GNG2: variants seen among roughly 807,000 people sequenced by gnomAD.
GNG2 encodes G protein subunit gamma 2, also known as guanine nucleotide-binding protein G(I)/G(S)/G(O) subunit gamma-2.
Under a neutral mutation model 5.5 loss-of-function variants are expected in GNG2, and 5 were observed. The observed-to-expected ratio is 0.91, with a 90% confidence interval of 0.48 to 1.92. The LOEUF (loss-of-function observed/expected upper bound fraction) is 1.92, where lower values mean the gene tolerates loss of function less well. GNG2 is among the 30% of genes most tolerant of loss of function. The probability of loss-of-function intolerance (pLI) is 0.01; values close to 1 mark genes in which losing one functional copy is unlikely to be tolerated. For missense variants in GNG2, 55 were observed against 88.4 expected (o/e 0.62, Z 1.52); for synonymous variants, 28 against 32.0 (o/e 0.88, Z 0.42).
intron 1 of GNG2, among the ~76,000 whole-genome samples, chr14:51,868,456 G>A (rs1883074472): frequency 6.6e-6 from 1 of 152,166 alleles, no homozygotes; most frequent in Non-Finnish European, 1.5e-5. Context: ...TTGATGGATT[G>A]AAGTAGAAAC....
intron 2 of GNG2, chr14:51,827,856 T>C (rs1273729883): frequency 1.6e-6 from 1 of 636,198 alleles, no homozygotes; most frequent in African/African-American, 1.8e-5. Context: ...GAGGAAAACG[T>C]TGAAGTGTTT....
chr14:51,834,645 C>A (rs1258902860), intron 2 of GNG2, among the ~76,000 whole-genome samples: 4 of 152,178 alleles, frequency 2.6e-5, no homozygotes, highest in Non-Finnish European at 5.9e-5. Flanking sequence ...ATTGAGATTG[C>A]TAAAGCCATT....
upstream of GNG2, among the ~76,000 whole-genome samples, chr14:51,856,221 G>A (rs940817812): frequency 6.6e-6 from 1 of 151,946 alleles, no homozygotes; most frequent in Non-Finnish European, 1.5e-5. Flanking sequence ...GGGCATGGCG[G>A]GGGAGGAGAG....
At chr14:51,882,987 GT>G (rs1432991319) in intron 2 of GNG2, among the ~76,000 whole-genome samples, 2 of 147,322 alleles carry the variant, frequency 1.4e-5, no homozygotes, top group African/African-American at 2.5e-5. Flanking sequence ...TCCAGCCTGG[GT>G]GACAGAGCGA....
At chr14:51,954,817 A>G (rs967655534) in intron 3 of GNG2, among the ~76,000 whole-genome samples, 2 of 152,196 alleles carry the variant, frequency 1.3e-5, no homozygotes, top group African/African-American at 2.4e-5. Flanking sequence ...TTCCAGCTCC[A>G]TGAAAAAAGA....
chr14:51,926,874 A>G (rs1048388191), intron 2 of GNG2, among the ~76,000 whole-genome samples: 13 of 152,216 alleles, frequency 8.5e-5, no homozygotes, highest in African/African-American at 2.9e-4. Flanking sequence ...TAGCTGAACT[A>G]AGGAGAAAGC....
chr14:51,953,100 C>A (rs1010930224), intron 3 of GNG2, among the ~76,000 whole-genome samples: 1 of 152,160 alleles, frequency 6.6e-6, no homozygotes, highest in Non-Finnish European at 1.5e-5. Context: ...GCTTTACTTA[C>A]CTTACTTTAC....
chr14:51,863,085 A>G (rs1268465804), intron 1 of GNG2, among the ~76,000 whole-genome samples: 2 of 151,758 alleles, frequency 1.3e-5, no homozygotes, highest in Non-Finnish European at 2.9e-5. Flanking sequence ...CATGTAGTGA[A>G]TGTGTTTGTT....
chr14:51,899,875 G>A (rs1375930424), intron 2 of GNG2, among the ~76,000 whole-genome samples: 1 of 152,174 alleles, frequency 6.6e-6, no homozygotes, highest in African/African-American at 2.4e-5. Flanking sequence ...TATTCCATTG[G>A]AAGTATTTGT....
chr14:51,841,270 G>C (rs1203237138), intron 2 of GNG2, among the ~76,000 whole-genome samples: 2 of 152,158 alleles, frequency 1.3e-5, no homozygotes, highest in Admixed American at 1.3e-4. Flanking sequence ...AGCTGCAACA[G>C]GCCCCTCTCC....
chr14:51,833,957 T>G (rs867169742), intron 2 of GNG2, among the ~76,000 whole-genome samples: 69 of 134,698 alleles, frequency 5.1e-4, no homozygotes, highest in African/African-American at 1.8e-3. Context: ...TGTCTTGAGA[T>G]CCATTCAACA....
chr14:51,838,262 G>A (rs758807784), intron 2 of GNG2, among the ~76,000 whole-genome samples: 39 of 152,250 alleles, frequency 2.6e-4, no homozygotes, highest in Non-Finnish European at 5.4e-4. Flanking sequence ...TGGCCAGCAT[G>A]GTGAAACCCC....
chr14:51,858,909 A>G (rs1440838973), upstream of GNG2, among the ~76,000 whole-genome samples: 1 of 152,144 alleles, frequency 6.6e-6, no homozygotes, highest in East Asian at 1.9e-4. Flanking sequence ...TTGATGAAAG[A>G]TTTCCTTGAA....
At chr14:51,929,961 G>C (rs1887559741) in intron 2 of GNG2, among the ~76,000 whole-genome samples, 1 of 152,132 alleles carries the variant, frequency 6.6e-6, no homozygotes, top group Admixed American at 6.6e-5. Flanking sequence ...TTAATTTTAA[G>C]TTCACCGGTA....
At chr14:51,927,034 A>G (rs771811110) in intron 2 of GNG2, among the ~76,000 whole-genome samples, 1 of 152,220 alleles carries the variant, frequency 6.6e-6, no homozygotes, top group Non-Finnish European at 1.5e-5. Context: ...GTCATTTTGA[A>G]TTACAGTCAT....
intron 2 of GNG2, among the ~76,000 whole-genome samples, chr14:51,945,675 T>C (rs1055435301): frequency 2.6e-5 from 4 of 152,172 alleles, no homozygotes; most frequent in Non-Finnish European, 5.9e-5. Context: ...ATGGTTAAGA[T>C]AGTAATTTTA....
chr14:51,889,934 G>C (rs1324822920), intron 2 of GNG2, among the ~76,000 whole-genome samples: 1 of 152,114 alleles, frequency 6.6e-6, no homozygotes, highest in African/African-American at 2.4e-5. Context: ...CTAGATACAG[G>C]ATATCCTGTC....
intron 2 of GNG2, among the ~76,000 whole-genome samples, chr14:51,905,617 A>T (rs978656469): frequency 1.1e-4 from 16 of 152,208 alleles, no homozygotes; most frequent in African/African-American, 3.9e-4. Context: ...TTTGCCATAG[A>T]AGTCAACCAT....
intron 2 of GNG2, 76 bp from the exon 3 acceptor site, chr14:51,950,574 C>T (rs1020225549): frequency 3.4e-6 from 3 of 880,552 alleles, no homozygotes; most frequent in Admixed American, 4.6e-5. Context: ...TTTGAGATCC[C>T]CTAGTTACGA....
Sources: allele counts gnomAD v4.1 joint callset (sites outside exome capture counted in the v4.1 genomes callset), GRCh38; gene constraint gnomAD v4.1.1; transcripts MANE v1.5; gene names NCBI Gene and HGNC (gene_info 2026-07-23, HGNC 2026-07-21).